ALPK1: variants seen among roughly 807,000 people sequenced by gnomAD.
The protein encoded by ALPK1 is alpha kinase 1.
In ALPK1, 110 loss-of-function variants were observed where a neutral mutation model predicts 120.6. The ratio of observed to expected loss-of-function variants is 0.91; its 90% CI spans 0.78 to 1.07. The LOEUF is 1.07. Among genes scored for constraint, ALPK1 ranks in the 50% least tolerant of loss-of-function variants. ALPK1 has a pLI of 0.00. For missense variants in ALPK1, 1,498 were observed against 1,483.9 expected (o/e 1.01, Z -0.16); for synonymous variants, 582 against 560.3 (o/e 1.04, Z -0.55).
At chr4:112,367,295 A>G (rs1731203842) in intron 2 of ALPK1, among the ~76,000 whole-genome samples, 1 of 152,244 alleles carries the variant, frequency 6.6e-6, no homozygotes, top group Admixed American at 6.5e-5. Context: ...CCTATAAAAA[A>G]GAACAGTAGA....
At chr4:112,332,139 C>A (rs935720000) in intron 2 of ALPK1, among the ~76,000 whole-genome samples, 2 of 152,134 alleles carry the variant, frequency 1.3e-5, no homozygotes, top group African/African-American at 4.8e-5. Context: ...GGCTAAGTGG[C>A]AAGAGAGGTT....
intron 5 of ALPK1, among the ~76,000 whole-genome samples, chr4:112,422,356 A>G (rs1338706875): frequency 6.6e-6 from 1 of 152,170 alleles, no homozygotes; most frequent in Admixed American, 6.5e-5. Context: ...TAACTAAAAG[A>G]TACACATTTT....
chr4:112,354,910 T>C (rs1404264312), intron 2 of ALPK1, among the ~76,000 whole-genome samples: 1 of 152,216 alleles, frequency 6.6e-6, no homozygotes, highest in African/African-American at 2.4e-5. Context: ...TGAACTGTTT[T>C]TCCCTACAAA....
At chr4:112,303,694 G>A (rs1226107079) in intron 1 of ALPK1, among the ~76,000 whole-genome samples, 1 of 151,118 alleles carries the variant, frequency 6.6e-6, no homozygotes, top group African/African-American at 2.4e-5. Context: ...ATCTCCCAGC[G>A]ACATGCTTCC....
At chr4:112,298,263 C>T (rs1727629735) in intron 1 of ALPK1, among the ~76,000 whole-genome samples, 1 of 151,892 alleles carries the variant, frequency 6.6e-6, no homozygotes, top group Admixed American at 6.6e-5. Context: ...TTCTCTCTCT[C>T]TCTGTCTCTC....
At chr4:112,356,777 C>A (rs1730641653) in intron 2 of ALPK1, 1 of 749,400 alleles carries the variant, frequency 1.3e-6, no homozygotes, top group South Asian at 1.3e-5. Context: ...GAACCTGAAG[C>A]AGCAAGCCGA....
intron 2 of ALPK1, among the ~76,000 whole-genome samples, chr4:112,336,712 G>A (rs1729635944): frequency 6.6e-6 from 1 of 152,062 alleles, no homozygotes; most frequent in South Asian, 2.1e-4. Flanking sequence ...TTTTGTTCAT[G>A]GTCTTGGTCA....
In ALPK1 at chr4:112,432,507, T is replaced by C. The variant is rs760907742; in HGVS notation, c.2960T>C (p.Val987Ala). 1 of 1,613,624 alleles carries C rather than the reference T, an allele frequency of 6.2e-7. No homozygotes were observed. The highest frequency in any genetic ancestry group is 1.1e-5 in the South Asian group (1 of 91,058). ...PDDFEKLLAGVRHDWLFQRLE... is the reference protein window; with the variant it reads ...PDDFEKLLAGARHDWLFQRLE... The stretch of plus-strand genomic sequence containing the variant: ...GACTTTGAAAAGCTGTTGGCAGGAG[T>C]GAGGCATGATTGGCTGTTTCAGAGA... Residue 987 changes from valine (V) to alanine (A), a missense_variant, in exon 11 of 16, where the codon GTG (valine) becomes GCG (alanine). Coordinates refer to ENST00000650871, the MANE Select transcript of ALPK1 (RefSeq NM_025144.4).
intron 2 of ALPK1, among the ~76,000 whole-genome samples, chr4:112,325,830 G>A (rs572165225): frequency 6.6e-6 from 1 of 152,254 alleles, no homozygotes; most frequent in South Asian, 2.1e-4. Context: ...AATTTTTCAG[G>A]CACTCCAGGG....
At chr4:112,430,220 C>T (rs985579649) in intron 10 of ALPK1, among the ~76,000 whole-genome samples, 2 of 152,194 alleles carry the variant, frequency 1.3e-5, no homozygotes, top group Non-Finnish European at 2.9e-5. Context: ...TTTCTTACCC[C>T]TTCATGCCAG....
intron 1 of ALPK1, among the ~76,000 whole-genome samples, chr4:112,308,244 A>G (rs1728210167): frequency 6.6e-6 from 1 of 152,006 alleles, no homozygotes; most frequent in East Asian, 1.9e-4. Flanking sequence ...GCTCTTCTCA[A>G]GGAGTATCTT....
chr4:112,316,226 A>T (rs1728628727), intron 2 of ALPK1: 1 of 152,038 alleles, frequency 6.6e-6, no homozygotes, highest in South Asian at 2.1e-4. Flanking sequence ...CCTGGCAAAC[A>T]CCATTCTCCT....
In ALPK1 at chr4:112,366,503, C is replaced by T. The variant is rs116354713; in HGVS notation, c.-100-11175C>T. On this transcript the variant is annotated intron_variant, in intron 2 of 15. Coordinates refer to ENST00000650871, the MANE Select transcript of ALPK1 (RefSeq NM_025144.4). The stretch of plus-strand genomic sequence containing the variant: ...TGCAAATTTTAGCCATTATGTGATA[C>T]CACCTTACTCCTGCAAGAATGGACA... Among the ~76,000 whole-genome samples the T allele has an allele frequency of 3.7e-3, 556 of 152,246 alleles. 4 individuals are homozygous for T. Among genetic ancestry groups the T allele is most frequent in the African/African-American group, 0.013 (534 of 41,552 alleles).
chr4:112,315,303 A>G (rs1353381392), intron 1 of ALPK1, among the ~76,000 whole-genome samples: 1 of 152,190 alleles, frequency 6.6e-6, no homozygotes, highest in Non-Finnish European at 1.5e-5. Flanking sequence ...TAGTAAATAG[A>G]CTTTTTTAAA....
intron 12 of ALPK1, 133 bp from the exon 13 acceptor site, chr4:112,438,351 T>C: frequency 1.3e-6 from 1 of 774,798 alleles, no homozygotes; most frequent in Non-Finnish European, 2.0e-6. Flanking sequence ...GTCAAAATAA[T>C]TAATATTCAG....
intron 2 of ALPK1, among the ~76,000 whole-genome samples, chr4:112,344,058 A>G (rs1245021883): frequency 6.6e-6 from 1 of 152,164 alleles, no homozygotes; most frequent in Non-Finnish European, 1.5e-5. Flanking sequence ...CTTCCGAGAG[A>G]GGCTTTTTGA....
chr4:112,430,406 TTTCAA>T, intron 10 of ALPK1, 37 bp from the exon 11 acceptor site: 1 of 1,508,360 alleles, frequency 6.6e-7, no homozygotes, highest in Non-Finnish European at 8.9e-7. Flanking sequence ...CACTTGCAGT[TTTCAA>T]TTCAATATCT....
At chr4:112,412,294 A>T in intron 5 of ALPK1, 1 of 605,638 alleles carries the variant, frequency 1.7e-6, no homozygotes, top group Admixed American at 2.3e-5. Flanking sequence ...TTTGTCTTCT[A>T]ACAAATCTGT....
intron 4 of ALPK1, among the ~76,000 whole-genome samples, chr4:112,411,200 G>A (rs886564210): frequency 1.3e-5 from 2 of 152,148 alleles, no homozygotes; most frequent in Non-Finnish European, 2.9e-5. Flanking sequence ...ACTATGGGGC[G>A]CTTTTACTTT....
Sources: allele counts gnomAD v4.1 joint callset (sites outside exome capture counted in the v4.1 genomes callset), GRCh38; gene constraint gnomAD v4.1.1; transcripts MANE v1.5; gene names NCBI Gene and HGNC (gene_info 2026-07-23, HGNC 2026-07-21).